The following VPS41 variants were observed in gnomAD, a reference collection of about 807,000 sequenced individuals.
VPS41 encodes vacuolar protein sorting-associated protein 41 homolog.
A neutral mutation model predicts 130.9 loss-of-function variants in VPS41; 85 were observed. That is an observed-to-expected ratio of 0.65 (90% CI 0.55 to 0.78). The LOEUF (loss-of-function observed/expected upper bound fraction) is 0.78, where lower values mean the gene tolerates loss of function less well. VPS41 is among the 30% of genes least tolerant of loss of function. The pLI is 0.00. For missense variants in VPS41, 874 were observed against 1,018.7 expected, an observed-to-expected ratio of 0.86 and a Z score of 1.93; for synonymous variants, 335 against 332.9, an observed-to-expected ratio of 1.01 and a Z score of -0.07.
intron 6 of VPS41, among the ~76,000 whole-genome samples, chr7:38,819,109 C>T (rs1785116160): frequency 1.3e-5 from 2 of 152,208 alleles, no homozygotes; most frequent in Admixed American, 1.3e-4. Context: ...CCAAACATCT[C>T]CTCTGCTCCT....
At chr7:38,777,445 C>CCA (rs1784280444) in intron 10 of VPS41, among the ~76,000 whole-genome samples, 1 of 152,034 alleles carries the variant, frequency 6.6e-6, no homozygotes, top group Non-Finnish European at 1.5e-5. Context: ...TTGCACTGGA[C>CCA]CCCAAAGATC....
chr7:38,757,924 T>G (rs921417775), intron 18 of VPS41, among the ~76,000 whole-genome samples: 1 of 152,158 alleles, frequency 6.6e-6, no homozygotes. Flanking sequence ...TGACTCAGGG[T>G]CAGGGAGTCC....
chr7:38,862,435 T>G, intron 4 of VPS41, 110 bp downstream of exon 4: 1 of 615,502 alleles, frequency 1.6e-6, no homozygotes, highest in Non-Finnish European at 2.8e-6. Context: ...CTGATTGAAT[T>G]AATAAAGATC....
chr7:38,890,162 G>A (rs1786829853), intron 2 of VPS41, among the ~76,000 whole-genome samples: 1 of 152,024 alleles, frequency 6.6e-6, no homozygotes, highest in Admixed American at 6.6e-5. Context: ...AAAAACGGAG[G>A]ATACAAACAG....
intron 4 of VPS41, among the ~76,000 whole-genome samples, chr7:38,860,755 C>T (rs543370768): frequency 6.7e-6 from 1 of 149,630 alleles, no homozygotes; most frequent in Non-Finnish European, 1.5e-5. Flanking sequence ...ACATACGCAT[C>T]GCAAGCATTT....
intron 18 of VPS41, 102 bp downstream of exon 18, chr7:38,758,252 G>T: frequency 9.2e-7 from 1 of 1,085,476 alleles, no homozygotes; most frequent in Non-Finnish European, 1.3e-6. Flanking sequence ...TAGGAAAATG[G>T]TATAAAATAC....
rs372501474 is a variant in VPS41 at position 38,749,333 on chromosome 7, G to T, written c.1926+2843C>A. 9.5e-4 allele frequency among the ~76,000 whole-genome samples: 144 copies of T among 152,256 alleles called. 5 individuals are homozygous for T. The South Asian group carries it at 0.024, about 25-fold the overall frequency. On this transcript the variant is annotated intron_variant, in intron 22 of 28. Transcript: ENST00000310301. ...ACCTCCTCTCAACAATTAGCCAATT[G>T]TTGGCAAAGGAAGACAACCAAAGGA... is the stretch of plus-strand genomic sequence containing the variant.
At chr7:38,815,070 GT>G (rs922700279) in intron 7 of VPS41, among the ~76,000 whole-genome samples, 1 of 152,116 alleles carries the variant, frequency 6.6e-6, no homozygotes, top group African/African-American at 2.4e-5. Flanking sequence ...AATGTTTGTT[GT>G]TTTAAGTCAT....
intron 1 of VPS41, among the ~76,000 whole-genome samples, chr7:38,907,197 C>G (rs181412566): frequency 1.6e-3 from 239 of 152,134 alleles, no homozygotes; most frequent in African/African-American, 5.5e-3. Flanking sequence ...AAAAAGAACA[C>G]TTGGACAAAG....
intron 4 of VPS41, among the ~76,000 whole-genome samples, chr7:38,840,622 T>TA (rs1168349855): frequency 6.6e-6 from 1 of 152,062 alleles, no homozygotes; most frequent in African/African-American, 2.4e-5. Flanking sequence ...ATGTTCAACA[T>TA]AAAAAACAGA....
chr7:38,796,622 C>A lies in VPS41; in HGVS notation c.570+123G>T, dbSNP rs887806242. On this transcript the variant is annotated intron_variant, in intron 8 of 28. Transcript: ENST00000310301. ...CCTCCTAGGTATGATACCAATCGTC[C>A]TTACACCCTTTAGAAATCACCACCA... The A allele has an allele frequency of 1.5e-5, 22 of 1,452,602 alleles. No individual in the cohort carries two copies. The Admixed American group carries it at 3.3e-4, about 22-fold the overall frequency. 90.0% of individuals were successfully genotyped at this position (1,452,602 alleles called of 1,614,324 possible). A position where few individuals can be genotyped will look rare whatever the true frequency, so the allele number is the denominator to read the frequency against.
At chr7:38,750,957 T>C (rs1199497399) in intron 22 of VPS41, among the ~76,000 whole-genome samples, 1 of 152,224 alleles carries the variant, frequency 6.6e-6, no homozygotes, top group Non-Finnish European at 1.5e-5. Context: ...TCTCACTCTA[T>C]TGCCAGGTTA....
intron 4 of VPS41, among the ~76,000 whole-genome samples, chr7:38,830,544 T>C (rs1445206008): frequency 6.6e-6 from 1 of 152,156 alleles, no homozygotes; most frequent in East Asian, 1.9e-4. Context: ...TTAAAAAATA[T>C]TTAGCCTTAA....
At chr7:38,742,249 G>GT in intron 24 of VPS41, 128 bp from the exon 25 acceptor site, 1 of 899,838 alleles carries the variant, frequency 1.1e-6, no homozygotes, top group Non-Finnish European at 1.6e-6. Context: ...TTCCTTCAAA[G>GT]TAAGTGTTAA....
chr7:38,903,879 A>C (rs1423548185), intron 1 of VPS41, among the ~76,000 whole-genome samples: 2 of 152,162 alleles, frequency 1.3e-5, no homozygotes, highest in African/African-American at 4.8e-5. Context: ...TACTGCACTC[A>C]TCTTATTCTG....
chr7:38,728,805 T>C lies in VPS41; in HGVS notation c.2260-14A>G, dbSNP rs755099163. 6.2e-7 allele frequency: 1 copy of C among 1,612,656 alleles called. No homozygotes were observed. Among genetic ancestry groups the C allele is most frequent in the East Asian group, 2.2e-5 (1 of 44,824 alleles). Reference sequence around the variant, plus strand: ...ACGAAGCAGAATCTAATGCATACATTTTAAAAGAAAAGCCATCTTAAGTAG... The same window carrying C: ...ACGAAGCAGAATCTAATGCATACATCTTAAAAGAAAAGCCATCTTAAGTAG... On this transcript the variant is annotated splice_polypyrimidine_tract_variant and intron_variant, in intron 25 of 28. Coordinates refer to ENST00000310301, the MANE Select transcript of VPS41 (RefSeq NM_014396.4).
rs761953063 is a variant in VPS41 at position 38,909,155 on chromosome 7, T to G, written c.20A>C (p.Gln7Pro). The G allele has an allele frequency of 3.1e-6, 5 of 1,613,958 alleles. No homozygotes were observed. Among genetic ancestry groups the G allele is most frequent in the Non-Finnish European group, 4.2e-6 (5 of 1,179,900 alleles). MAEAEE[Q>P]ETGSLEESTD... ...TCAACTACCACCTGCACCCTTTACC[T>G]GCTCCTCTGCTTCCGCCATGGCGCC... The change falls in exon 1 of 29, where the codon CAG (glutamine) becomes CCG (proline). Residue 7 changes from glutamine to proline, a missense_variant and splice_region_variant. Transcript: ENST00000310301.
intron 15 of VPS41, among the ~76,000 whole-genome samples, chr7:38,767,211 G>T (rs1784062768): frequency 6.6e-6 from 1 of 152,088 alleles, no homozygotes; most frequent in Admixed American, 6.6e-5. Flanking sequence ...AGCAACCAGG[G>T]AAATGACAGG....
chr7:38,883,871 G>A (rs1312423659), intron 2 of VPS41, among the ~76,000 whole-genome samples: 1 of 152,068 alleles, frequency 6.6e-6, no homozygotes, highest in Non-Finnish European at 1.5e-5. Flanking sequence ...ATGCTTCAAA[G>A]GGAATGTTTA....
Sources: allele counts gnomAD v4.1 joint callset (sites outside exome capture counted in the v4.1 genomes callset), GRCh38; gene constraint gnomAD v4.1.1; transcripts MANE v1.5; gene names NCBI Gene and HGNC (gene_info 2026-07-23, HGNC 2026-07-21).